Variants in GALNT9 observed in about 807,000 individuals in gnomAD.
GALNT9 encodes polypeptide N-acetylgalactosaminyltransferase 9, also known as GalNAc transferase 9.
In GALNT9, 47 loss-of-function variants were observed where a neutral mutation model predicts 63.1. The observed-to-expected ratio is 0.75, with a 90% CI of 0.59 to 0.95. GALNT9 has a LOEUF of 0.95. Among genes scored for constraint, GALNT9 ranks in the 40% least tolerant of loss-of-function variants. GALNT9 has a pLI of 0.00. For synonymous variants in GALNT9, 396 were observed against 365.7 expected (o/e 1.08, Z -0.94); for missense variants, 829 against 874.8 (o/e 0.95, Z 0.66).
intron 6 of GALNT9, among the ~76,000 whole-genome samples, chr12:132,223,176 C>T (rs1877539896): frequency 2.5e-5 from 3 of 120,104 alleles, no homozygotes; most frequent in Non-Finnish European, 5.4e-5. Flanking sequence ...ACAACCCACA[C>T]CGCACACAAC....
At chr12:132,209,387 T>A (rs1221401008) in intron 6 of GALNT9, among the ~76,000 whole-genome samples, 3 of 150,898 alleles carry the variant, frequency 2.0e-5, no homozygotes, top group Non-Finnish European at 2.9e-5. Flanking sequence ...AATAAATAAA[T>A]AAAAAATAAA....
In GALNT9 at chr12:132,286,346, T is replaced by C; in HGVS notation, c.323A>G (p.Gln108Arg). ...GLAATLRDDG[Q>R]EAEGKYEEYG... ...CTCCTCATACTTGCCTTCCGCCTCC[T>C]GGCCGTCATCACGCAGGGTGGCCGC... The change falls in exon 2 of 11, where the codon CAG (glutamine) becomes CGG (arginine). Residue 108 changes from glutamine to arginine, a missense_variant. By Grantham distance (43) the Gln-to-Arg change is conservative. Coordinates refer to ENST00000328957, the MANE Select transcript of GALNT9 (RefSeq NM_001122636.2). The surrounding 1 kb of genome is among the most constrained non-coding windows in gnomAD (Gnocchi z 7.4). 1.3e-6 allele frequency: 2 copies of C among 1,551,022 alleles called. No individual in the cohort carries two copies. The highest frequency in any genetic ancestry group is 1.7e-6 in the Non-Finnish European group (2 of 1,146,866).
chr12:132,237,445 C>T (rs1293403045), intron 6 of GALNT9, among the ~76,000 whole-genome samples: 1 of 152,118 alleles, frequency 6.6e-6, no homozygotes, highest in African/African-American at 2.4e-5. Flanking sequence ...CTGCTTTTAC[C>T]TGTTCACTGC....
At chr12:132,235,181 C>G (rs1222695811) in intron 6 of GALNT9, among the ~76,000 whole-genome samples, 1 of 149,612 alleles carries the variant, frequency 6.7e-6, no homozygotes, top group Non-Finnish European at 1.5e-5. Context: ...CGTGGAGCCC[C>G]TAGTGCCACA....
intron 2 of GALNT9, among the ~76,000 whole-genome samples, chr12:132,264,274 C>T (rs1434471609): frequency 2.6e-5 from 4 of 152,228 alleles, no homozygotes; most frequent in South Asian, 4.1e-4. Flanking sequence ...GCTGGCCACG[C>T]GGAGAAGCGT....
intron 1 of GALNT9, among the ~76,000 whole-genome samples, chr12:132,297,642 C>G (rs1881123622): frequency 6.6e-6 from 1 of 151,934 alleles, no homozygotes; most frequent in South Asian, 2.1e-4. Context: ...TGAGTCTCCC[C>G]CAAGATGACC....
intron 2 of GALNT9, chr12:132,284,151 G>C (rs970892618): frequency 1.8e-4 from 27 of 147,806 alleles, no homozygotes; most frequent in African/African-American, 6.6e-4. Context: ...CCACGCACAT[G>C]CACGCACACG....
rs1177568621 is a variant in GALNT9, at chr12:132,252,248, A to AGGC, written c.960-4224_960-4222dup. ...AAAGAGGCCTCCAAAGATGAGCCAC[A>AGGC]GGCGGCTGTGAACGCAGGAAGGGCA... On this transcript the variant is annotated intron_variant, in intron 5 of 10. Coordinates refer to ENST00000328957, the MANE Select transcript of GALNT9 (RefSeq NM_001122636.2). The surrounding 1 kb of genome is among the most constrained non-coding windows in gnomAD (Gnocchi z 5.2). 1.3e-5 allele frequency among the ~76,000 whole-genome samples: 2 copies of AGGC among 152,226 alleles called. No individual in the cohort carries two copies. The highest frequency in any genetic ancestry group is 4.8e-5 in the African/African-American group (2 of 41,460).
chr12:132,321,174 GGGTCCGGAGTCGAGGCCCCTGTT>G (rs1179021139), intron 1 of GALNT9, among the ~76,000 whole-genome samples: 5 of 151,900 alleles, frequency 3.3e-5, no homozygotes, highest in Non-Finnish European at 5.9e-5. Flanking sequence ...GGGTGCCTGT[GGGTCCGGAGTCGAGGCCCCTGTT>G]GGTCCAGAGT....
At chr12:132,322,214 C>T (rs924422210) in intron 1 of GALNT9, among the ~76,000 whole-genome samples, 5 of 152,240 alleles carry the variant, frequency 3.3e-5, no homozygotes, top group East Asian at 1.9e-4. Context: ...GATACCCATT[C>T]GTCCACGTCA....
chr12:132,259,797 C>A (rs1361290542), intron 4 of GALNT9, among the ~76,000 whole-genome samples: 2 of 152,198 alleles, frequency 1.3e-5, no homozygotes, highest in African/African-American at 4.8e-5. Flanking sequence ...CCAAGGCCCC[C>A]TGCAGTGACA....
Position 132,201,233 on chromosome 12 carries a change from G to C in GALNT9, c.1292C>G (p.Ser431Cys). 5 of 1,613,408 alleles carry C rather than the reference G, an allele frequency of 3.1e-6. No homozygotes were observed. The highest frequency in any genetic ancestry group is 3.4e-6 in the Non-Finnish European group (4 of 1,179,460). ...SNPGVDFGDVSERLALRQRLK... is the reference protein window; with the variant it reads ...SNPGVDFGDVCERLALRQRLK... ...CCTCTGACGCAGGGCCAGCCTCTCA[G>C]ACACGTCCCCGAAGTCCACCCCTGG... is the stretch of plus-strand genomic sequence containing the variant. Residue 431 changes from serine to cysteine, a missense_variant, in exon 8 of 11, where the codon TCT becomes TGT. By Grantham distance (112) the Ser-to-Cys change is moderately radical. Transcript: ENST00000328957.
chr12:132,263,703 T>C (rs73471506), intron 2 of GALNT9, among the ~76,000 whole-genome samples: 9,399 of 152,278 alleles, frequency 0.062, 948 homozygotes, highest in African/African-American at 0.21. Flanking sequence ...GAACCCAGGC[T>C]GTGCCCGGCA....
At chr12:132,264,851 C>T (rs1879539824) in intron 2 of GALNT9, among the ~76,000 whole-genome samples, 1 of 152,218 alleles carries the variant, frequency 6.6e-6, no homozygotes, top group Non-Finnish European at 1.5e-5. Flanking sequence ...AGCAGATGTT[C>T]CTGACAGGGA....
intron 5 of GALNT9, among the ~76,000 whole-genome samples, chr12:132,254,131 C>T (rs1555238838): frequency 6.6e-6 from 1 of 152,056 alleles, no homozygotes; most frequent in African/African-American, 2.4e-5. Flanking sequence ...AAGCAATTCT[C>T]CTGCCTCGGC....
chr12:132,206,997 T>C (rs545639174), intron 6 of GALNT9, among the ~76,000 whole-genome samples: 1 of 152,282 alleles, frequency 6.6e-6, no homozygotes, highest in South Asian at 2.1e-4. Context: ...CCCGGGAGGT[T>C]GAGGCTGCAG....
chr12:132,233,246 GGA>G (rs1877913014), intron 6 of GALNT9, among the ~76,000 whole-genome samples: 1 of 17,328 alleles, frequency 5.8e-5, no homozygotes, highest in Non-Finnish European at 1.1e-4. Flanking sequence ...GGGCGACAGA[GGA>G]GACAGCGTGG....
intron 1 of GALNT9, among the ~76,000 whole-genome samples, chr12:132,299,906 C>T (rs1400594201): frequency 7.2e-5 from 10 of 139,060 alleles, no homozygotes; most frequent in East Asian, 2.4e-4. Context: ...CACACCTAAC[C>T]CATCCCTGAG....
intron 6 of GALNT9, among the ~76,000 whole-genome samples, chr12:132,237,490 C>T (rs1385062191): frequency 2.0e-5 from 3 of 152,114 alleles, no homozygotes; most frequent in African/African-American, 7.2e-5. Context: ...TACACCTGCA[C>T]ACAGCTGCCC....
Sources: gnomAD v4.1 joint callset for allele counts (sites outside exome capture counted in the v4.1 genomes callset) on GRCh38, gnomAD v4.1.1 for gene constraint, Gnocchi (gnomAD v3.1) non-coding constraint, MANE v1.5 for transcripts, NCBI Gene and HGNC (gene_info 2026-07-23, HGNC 2026-07-21) for gene names.